Variants in PKHD1 observed in about 807,000 individuals in gnomAD.
The protein encoded by PKHD1 is fibrocystin.
In PKHD1, 291 loss-of-function variants were observed where a neutral mutation model predicts 412.0. The observed-to-expected ratio is 0.71, with a 90% CI of 0.64 to 0.78. The LOEUF is 0.78. PKHD1 is among the 30% of genes least tolerant of loss of function. The pLI is 0.00. For missense variants in PKHD1, 4,825 were observed against 4,950.7 expected (o/e 0.97, Z 0.76); for synonymous variants, 1,777 against 1,821.5 (o/e 0.98, Z 0.62).
chr6:51,734,784 T>C (rs1010313686), intron 60 of PKHD1, among the ~76,000 whole-genome samples: 1 of 152,176 alleles, frequency 6.6e-6, no homozygotes, highest in African/African-American at 2.4e-5. Flanking sequence ...ACGAGTACTA[T>C]GTTGAATCCA....
intron 52 of PKHD1, among the ~76,000 whole-genome samples, chr6:51,824,083 G>A (rs1218508149): frequency 2.6e-5 from 4 of 152,096 alleles, no homozygotes; most frequent in Admixed American, 6.6e-5. Flanking sequence ...CTTAACATAT[G>A]TCATAGCATT....
At position 51,919,182 on chromosome 6, in the gene PKHD1, T is replaced by C. The variant is rs186837514; in HGVS notation, c.6122-6606A>G. On this transcript the variant is annotated intron_variant, in intron 37 of 66. Coordinates refer to ENST00000371117, the MANE Select transcript of PKHD1 (RefSeq NM_138694.4). Reference sequence around the variant, plus strand: ...CTTCTGTTGCCATTGCTTTTGATGTTTTAGTCATGAAGTCCTTGCCCATGC... The same window carrying C: ...CTTCTGTTGCCATTGCTTTTGATGTCTTAGTCATGAAGTCCTTGCCCATGC... Among the ~76,000 whole-genome samples, 11 of 152,356 alleles carry C rather than the reference T, an allele frequency of 7.2e-5. No homozygotes were observed. The East Asian group carries it at 1.7e-3, about 24-fold the overall frequency.
At chr6:52,018,926 G>A (rs772413234) in intron 33 of PKHD1, among the ~76,000 whole-genome samples, 1 of 152,142 alleles carries the variant, frequency 6.6e-6, no homozygotes, top group Non-Finnish European at 1.5e-5. Context: ...TATTGACTTG[G>A]ATAAGTTTAT....
chr6:51,746,113 T>C (rs1240894008), intron 59 of PKHD1, among the ~76,000 whole-genome samples: 3 of 152,210 alleles, frequency 2.0e-5, no homozygotes, highest in Admixed American at 6.5e-5. Flanking sequence ...AAAAATCCTA[T>C]CTAATTTTCA....
intron 60 of PKHD1, among the ~76,000 whole-genome samples, chr6:51,697,541 A>G (rs1164862196): frequency 1.3e-5 from 2 of 152,200 alleles, no homozygotes; most frequent in Non-Finnish European, 2.9e-5. Context: ...ATCATAGGAT[A>G]TTTAGCAGCC....
In PKHD1 at chr6:51,748,492, T is replaced by A; in HGVS notation, c.9124A>T (p.Ile3042Phe). The A allele has an allele frequency of 2.5e-6, 4 of 1,613,894 alleles. No individual in the cohort carries two copies. The highest frequency in any genetic ancestry group is 3.4e-6 in the Non-Finnish European group (4 of 1,179,896). ...ASHGVLLNDN[I>F]VFGTAGHGID... is the part of the protein sequence containing the mutation. Reference sequence around the variant, plus strand: ...CCATGGCCAGCTGTGCCAAACACAATATTGTCATTTAAAAGTACTCCATGA... The same window carrying A: ...CCATGGCCAGCTGTGCCAAACACAAAATTGTCATTTAAAAGTACTCCATGA... Residue 3042 changes from isoleucine to phenylalanine, a missense_variant, in exon 58 of 67, where the codon ATT becomes TTT. Coordinates refer to ENST00000371117, the MANE Select transcript of PKHD1 (RefSeq NM_138694.4).
At chr6:52,064,815 A>C in intron 13 of PKHD1, 140 bp downstream of exon 13, 1 of 434,054 alleles carries the variant, frequency 2.3e-6, no homozygotes, top group East Asian at 6.1e-5. Context: ...AGCCTTGACA[A>C]TGGTATCATG....
At chr6:51,911,051 T>C (rs1220621504) in intron 39 of PKHD1, among the ~76,000 whole-genome samples, 2 of 152,032 alleles carry the variant, frequency 1.3e-5, no homozygotes, top group Non-Finnish European at 1.5e-5. Flanking sequence ...AAACTCACGA[T>C]TGCCACTCTC....
chr6:51,934,296 C>T lies in PKHD1; in HGVS notation c.5935G>A (p.Gly1979Arg), dbSNP rs1583446897. Residue 1979 changes from glycine to arginine, a missense_variant, in exon 37 of 67, where the codon GGA (glycine) becomes AGA (arginine). By Grantham distance (125) the Gly-to-Arg change is moderately radical. Transcript: ENST00000371117. The part of the protein sequence containing the change: ...KGGKLIFMAP[G>R]PIELRAHAIL... ...GCGTGTGCCCTGAGCTCGATGGGTC[C>T]TGGGGCCATGAAAATCAGCTTGCCC... The T allele has an allele frequency of 1.9e-6, 3 of 1,612,708 alleles. No individual in the cohort carries two copies. The East Asian group carries it at 6.7e-5, about 36-fold the overall frequency.
chr6:51,695,921 A>G (rs1321627107), intron 60 of PKHD1, among the ~76,000 whole-genome samples: 1 of 152,180 alleles, frequency 6.6e-6, no homozygotes, highest in Non-Finnish European at 1.5e-5. Flanking sequence ...CACAAGCCCA[A>G]AGTGAAATTT....
chr6:51,896,087 G>A (rs1779905956), intron 43 of PKHD1, among the ~76,000 whole-genome samples: 1 of 152,184 alleles, frequency 6.6e-6, no homozygotes, highest in Non-Finnish European at 1.5e-5. Context: ...AGCCAGGCTG[G>A]AGGAGGGGCG....
intron 34 of PKHD1, among the ~76,000 whole-genome samples, chr6:52,013,218 G>A (rs369554088): frequency 3.9e-5 from 6 of 152,162 alleles, no homozygotes; most frequent in East Asian, 3.9e-4. Context: ...CTGACTCTTC[G>A]CTGGCAGAGG....
intron 55 of PKHD1, among the ~76,000 whole-genome samples, chr6:51,770,347 A>AT (rs879822029): frequency 1.3e-5 from 2 of 151,592 alleles, no homozygotes; most frequent in African/African-American, 2.4e-5. Context: ...ATTTATTTTG[A>AT]TTTTTACCTG....
rs1445711144 is a variant in PKHD1, at chr6:52,026,168, G to A, written c.3642C>T (p.Leu1214=). The A allele has an allele frequency of 1.2e-6, 2 of 1,613,954 alleles. No homozygotes were observed. Among genetic ancestry groups the A allele is most frequent in the Non-Finnish European group, 1.7e-6 (2 of 1,179,918 alleles). The change falls in exon 32 of 67, where the codon CTC becomes CTT. Residue 1214 remains leucine, a synonymous_variant. Transcript: ENST00000371117. ...CCGSLLGGTI[L]SISGIGFSRD... Reference sequence around the variant, plus strand: ...TGCTGAAGCCTATTCCTGAGATGCTGAGGATGGTCCCTCCTAAAGTATGAA... The same window carrying A: ...TGCTGAAGCCTATTCCTGAGATGCTAAGGATGGTCCCTCCTAAAGTATGAA...
At chr6:51,992,155 A>C (rs1797116060) in intron 35 of PKHD1, among the ~76,000 whole-genome samples, 1 of 152,192 alleles carries the variant, frequency 6.6e-6, no homozygotes, top group African/African-American at 2.4e-5. Context: ...CTGAGGATTA[A>C]ATGGGCAGTT....
intron 60 of PKHD1, among the ~76,000 whole-genome samples, chr6:51,678,341 CAT>C (rs1335463072): frequency 2.0e-5 from 3 of 152,268 alleles, no homozygotes; most frequent in African/African-American, 7.2e-5. Flanking sequence ...GAGAAAAACA[CAT>C]GTTAATAAAT....
intron 57 of PKHD1, among the ~76,000 whole-genome samples, chr6:51,752,475 C>T (rs1423887160): frequency 6.6e-6 from 1 of 152,198 alleles, no homozygotes; most frequent in Non-Finnish European, 1.5e-5. Flanking sequence ...GGTCCAAACA[C>T]TGCCCTTTAC....
chr6:52,062,039 C>T (rs971424267), intron 14 of PKHD1, among the ~76,000 whole-genome samples: 1 of 152,142 alleles, frequency 6.6e-6, no homozygotes, highest in Non-Finnish European at 1.5e-5. Context: ...TCACAGAACC[C>T]GCAAGAGCTT....
At position 52,070,875 on chromosome 6, in the gene PKHD1, G is replaced by A. The variant is rs138036132; in HGVS notation, c.667+131C>T. The A allele has an allele frequency of 8.6e-5, 61 of 705,864 alleles. No individual in the cohort carries two copies. The East Asian group carries it at 1.6e-3, about 18-fold the overall frequency. 43.7% of individuals were successfully genotyped at this position (705,864 alleles called of 1,614,324 possible). A position where few individuals can be genotyped will look rare whatever the true frequency, so the allele number is the denominator to read the frequency against. On this transcript the variant is annotated intron_variant, in intron 9 of 66. Transcript: ENST00000371117. ...TGTTTCATATAGTAGTATTTTCCAG[G>A]GAATTCTTAACAAATAGTAATTATT...
Sources: gnomAD v4.1 joint callset for allele counts (sites outside exome capture counted in the v4.1 genomes callset) on GRCh38, gnomAD v4.1.1 for gene constraint, MANE v1.5 for transcripts, NCBI Gene and HGNC (gene_info 2026-07-23, HGNC 2026-07-21) for gene names.